Variants in SUSD2 observed in about 807,000 individuals in gnomAD.
The protein encoded by SUSD2 is sushi domain containing 2.
A neutral mutation model predicts 93.8 loss-of-function variants in SUSD2; 86 were observed. The ratio of observed to expected loss-of-function variants is 0.92; its 90% CI spans 0.77 to 1.10. SUSD2 has a LOEUF of 1.10. Among genes scored for constraint, SUSD2 ranks in the 50% least tolerant of loss-of-function variants. The pLI is 0.00. For missense variants in SUSD2, 1,060 were observed against 1,137.0 expected (o/e 0.93, Z 0.97); for synonymous variants, 483 against 485.0 (o/e 1.00, Z 0.05).
At chr22:24,187,495 T>C in intron 11 of SUSD2, 45 bp downstream of exon 11, 1 of 1,606,332 alleles carries the variant, frequency 6.2e-7, no homozygotes, top group Non-Finnish European at 8.5e-7. Flanking sequence ...TGGGGGTTAC[T>C]GGAAACATGG....
Position 24,185,644 on chromosome 22 carries a change from C to T in SUSD2, c.1071-17C>T. 1 of 1,608,564 alleles carries T rather than the reference C, an allele frequency of 6.2e-7. No individual in the cohort carries two copies. The highest frequency in any genetic ancestry group is 8.5e-7 in the Non-Finnish European group (1 of 1,177,558). On this transcript the variant is annotated splice_polypyrimidine_tract_variant and intron_variant, in intron 7 of 14. Coordinates refer to ENST00000358321, the MANE Select transcript of SUSD2 (RefSeq NM_019601.4). ...GCTCCCAACAGTGGCCTGGCCCTGA[C>T]TCACTGGCTCCTGCAGCCTCCGGTA... is the stretch of plus-strand genomic sequence containing the variant.
chr22:24,186,026 C>T lies in SUSD2; in HGVS notation c.1350C>T (p.Phe450=), dbSNP rs533945406. Residue 450 remains phenylalanine (F), a synonymous_variant, in exon 9 of 15, where the codon TTC becomes TTT. Transcript: ENST00000358321. Reference sequence around the variant, plus strand: ...CCACTCTCACCCTAGCCTCCGCCTTCGGAGACCCACACTTTGTGACCTTCG... The same window carrying T: ...CCACTCTCACCCTAGCCTCCGCCTTTGGAGACCCACACTTTGTGACCTTCG... ...NYRPPRLASA[F]GDPHFVTFDG... 2.9e-5 allele frequency: 46 copies of T among 1,608,924 alleles called. No homozygotes were observed. In the Admixed American group the frequency reaches 3.3e-4, roughly 12 times the overall value.
intron 1 of SUSD2, 31 bp from the exon 2 acceptor site, chr22:24,183,026 C>T (rs372337013): frequency 1.2e-5 from 20 of 1,600,978 alleles, no homozygotes; most frequent in East Asian, 2.2e-5. Context: ...CAGTACCCGC[C>T]GGGCCAGGCC....
At chr22:24,182,117 T>A (rs1225977210) in intron 1 of SUSD2, among the ~76,000 whole-genome samples, 1 of 152,228 alleles carries the variant, frequency 6.6e-6, no homozygotes, top group East Asian at 1.9e-4. Context: ...TGCTTTTAAG[T>A]GCCAGGCACT....
In SUSD2 at chr22:24,185,176, G is replaced by C. The variant is rs1284604308; in HGVS notation, c.865G>C (p.Ala289Pro). 10 of 1,612,424 alleles carry C rather than the reference G, an allele frequency of 6.2e-6. No homozygotes were observed. Among genetic ancestry groups the C allele is most frequent in the Non-Finnish European group, 8.5e-6 (10 of 1,179,854 alleles). Residue 289 changes from alanine (A) to proline (P), a missense_variant, in exon 6 of 15, where the codon GCA becomes CCA. Physicochemically the swap from Ala to Pro is conservative, Grantham distance 27 (BLOSUM62 -1). Transcript: ENST00000358321. ...DDFREDPVAW[A>P]RTQCQAWEEL... ...CTTCCGAGAGGACCCTGTGGCCTGG[G>C]CACGAACTCAGTGCCAGGCCTGGGA...
rs765159555 is a variant in SUSD2, at chr22:24,185,652, C to A, written c.1071-9C>A. On this transcript the variant is annotated splice_polypyrimidine_tract_variant and intron_variant, in intron 7 of 14. Coordinates refer to ENST00000358321, the MANE Select transcript of SUSD2 (RefSeq NM_019601.4). ...CAGTGGCCTGGCCCTGACTCACTGG[C>A]TCCTGCAGCCTCCGGTACGGCTCAG... 1 of 1,607,926 alleles carries A rather than the reference C, an allele frequency of 6.2e-7. No homozygotes were observed. The highest frequency in any genetic ancestry group is 1.7e-5 in the Admixed American group (1 of 59,788).
chr22:24,183,583 A>G lies in SUSD2; in HGVS notation c.376A>G (p.Ile126Val). Residue 126 changes from isoleucine to valine, a missense_variant, in exon 3 of 15, where the codon ATC (isoleucine) becomes GTC (valine). Ile to Val is a conservative substitution (Grantham distance 29). Around this residue, in one of 2 missense-constraint regions of SUSD2, gnomAD observed 973 missense variants for 1,005.3 expected, o/e 0.97. Coordinates refer to ENST00000358321, the MANE Select transcript of SUSD2 (RefSeq NM_019601.4). ...VSPLLYESGR[I>V]PFTVSLDNGH... is the part of the protein sequence containing the mutation. Reference sequence around the variant, plus strand: ...ACCTCTGCTCTATGAGAGCGGCCGCATCCCCTTCACTGTGTCACTGGACAA... The same window carrying G: ...ACCTCTGCTCTATGAGAGCGGCCGCGTCCCCTTCACTGTGTCACTGGACAA... 6.2e-7 allele frequency: 1 copy of G among 1,613,318 alleles called. No individual in the cohort carries two copies. Among genetic ancestry groups the G allele is most frequent in the Non-Finnish European group, 8.5e-7 (1 of 1,179,972 alleles).
At chr22:24,186,579 T>C (rs1288196380) in intron 10 of SUSD2, 164 bp downstream of exon 10, 7 of 786,576 alleles carry the variant, frequency 8.9e-6, no homozygotes, top group African/African-American at 1.7e-5. Context: ...GCCCCCGTCG[T>C]ACCCACCTGG....
rs375828476 is a variant in SUSD2 at position 24,183,118 on chromosome 22, G to A, written c.138G>A (p.Pro46=). 1.2e-5 allele frequency: 20 copies of A among 1,614,040 alleles called. No homozygotes were observed. The highest frequency in any genetic ancestry group is 4.5e-5 in the East Asian group (2 of 44,890). Reference sequence around the variant, plus strand: ...TGGACGGGCCATGTTCCTGCCACCCGACGTGCTCTGGCCTTGGCACCTGCT... The same window carrying A: ...TGGACGGGCCATGTTCCTGCCACCCAACGTGCTCTGGCCTTGGCACCTGCT... ...GALDGPCSCH[P]TCSGLGTCCL... The change falls in exon 2 of 15, where the codon CCG becomes CCA. Residue 46 remains proline, a synonymous_variant. Transcript: ENST00000358321.
At chr22:24,183,358 G>A in intron 2 of SUSD2, 91 bp downstream of exon 2, 2 of 1,542,456 alleles carry the variant, frequency 1.3e-6, no homozygotes, top group Middle Eastern at 1.9e-4. Context: ...GCTGAGTGGA[G>A]CCCCTCGGAC....
rs551318370 is a variant in SUSD2, at chr22:24,185,180, G to A, written c.869G>A (p.Arg290Gln). ...CGAGAGGACCCTGTGGCCTGGGCAC[G>A]AACTCAGTGCCAGGCCTGGGAGGAG... ...DFREDPVAWA[R>Q]TQCQAWEELE... Residue 290 changes from arginine to glutamine, a missense_variant, in exon 6 of 15, where the codon CGA (arginine) becomes CAA (glutamine). This residue lies in a region of SUSD2 where 973 missense variants were observed against 1,005.3 expected (regional missense o/e 0.97). Coordinates refer to ENST00000358321, the MANE Select transcript of SUSD2 (RefSeq NM_019601.4). 7.4e-6 allele frequency: 12 copies of A among 1,612,262 alleles called. No individual in the cohort carries two copies. The highest frequency in any genetic ancestry group is 3.3e-5 in the Admixed American group (2 of 60,006).
intron 10 of SUSD2, 50 bp downstream of exon 10, chr22:24,186,465 A>G (rs1279649636): frequency 2.5e-6 from 4 of 1,592,986 alleles, no homozygotes; most frequent in Non-Finnish European, 3.4e-6. Flanking sequence ...CCTCCTCCCC[A>G]TTCCTGCAGG....
At position 24,183,480 on chromosome 22, in the gene SUSD2, C is replaced by T; in HGVS notation, c.288-15C>T. The T allele has an allele frequency of 6.2e-7, 1 of 1,605,168 alleles. No individual in the cohort carries two copies. Reference sequence around the variant, plus strand: ...TGCAATGACCCAGCCCCTCCCACCACCACCACGCCCACAGGTTTAAGGACA... The same window carrying T: ...TGCAATGACCCAGCCCCTCCCACCATCACCACGCCCACAGGTTTAAGGACA... On this transcript the variant is annotated splice_polypyrimidine_tract_variant and intron_variant, in intron 2 of 14. Transcript: ENST00000358321.
chr22:24,183,848 G>A (rs2047342617), intron 3 of SUSD2: 1 of 671,626 alleles, frequency 1.5e-6, no homozygotes. Flanking sequence ...GAGTGAGTGG[G>A]AGCTGCAGGG....
Position 24,185,802 on chromosome 22 carries a change from C to A in SUSD2, c.1212C>A (p.Pro404=), listed in dbSNP as rs748978807. 2.5e-6 allele frequency: 4 copies of A among 1,610,542 alleles called. No homozygotes were observed. The Admixed American group carries it at 5.0e-5, about 20-fold the overall frequency. Residue 404 remains proline, a synonymous_variant, in exon 8 of 15, where the codon CCC becomes CCA. Coordinates refer to ENST00000358321, the MANE Select transcript of SUSD2 (RefSeq NM_019601.4). The part of the protein sequence containing the change: ...APPFRTPPRV[P]SMSHWLYDVL... ...CGTTCCGCACGCCACCCCGAGTGCC[C>A]AGCATGTCCCACTGGCTCTACGATG... is the stretch of plus-strand genomic sequence containing the variant.
rs766083182 is a variant in SUSD2 at position 24,184,254 on chromosome 22, G to A, written c.558G>A (p.Ser186=). Residue 186 remains serine, a synonymous_variant, in exon 4 of 15, where the codon TCG becomes TCA. Coordinates refer to ENST00000358321, the MANE Select transcript of SUSD2 (RefSeq NM_019601.4). ...TCAGCCTGACCTGGCATGTCAAGTC[G>A]CTGCCCACGCAGACCATCACCATCG... is the stretch of plus-strand genomic sequence containing the variant. ...GNLSLTWHVK[S]LPTQTITIEL... is the part of the protein sequence containing the mutation. 8.7e-6 allele frequency: 14 copies of A among 1,613,538 alleles called. No homozygotes were observed. The highest frequency in any genetic ancestry group is 2.2e-5 in the East Asian group (1 of 44,892).
intron 12 of SUSD2, 45 bp downstream of exon 12, chr22:24,187,888 C>A (rs200670408): frequency 6.2e-7 from 1 of 1,602,928 alleles, no homozygotes. Context: ...GGGACAGGAC[C>A]CCCCGGGGTG....
chr22:24,187,563 T>G lies in SUSD2; in HGVS notation c.1892-8T>G, dbSNP rs1359281406. The G allele has an allele frequency of 2.2e-5, 36 of 1,606,350 alleles. No individual in the cohort carries two copies. The highest frequency in any genetic ancestry group is 3.0e-5 in the Non-Finnish European group (35 of 1,174,396). On this transcript the variant is annotated splice_polypyrimidine_tract_variant and splice_region_variant and intron_variant, in intron 11 of 14. Transcript: ENST00000358321. ...TGCCCAGCCAGGCCCCGGTCATGTA[T>G]CTTCCAGGGACCGTGCACAATGCGT...
chr22:24,188,463 G>T lies in SUSD2; in HGVS notation c.*27G>T. 6.2e-7 allele frequency: 1 copy of T among 1,605,812 alleles called. No individual in the cohort carries two copies. On this transcript the variant is annotated 3_prime_UTR_variant, in exon 15 of 15. Transcript: ENST00000358321. This position sits in a 1 kb window ranked among gnomAD's most constrained non-coding sequence, Gnocchi z 4.7. ...GGGAGCAGCTTGGCTGTGAGCACCAGGCCAAGACTCCTGAGAACAGGCAGC... is the reference window on the plus strand; with the variant it reads ...GGGAGCAGCTTGGCTGTGAGCACCATGCCAAGACTCCTGAGAACAGGCAGC...
Sources: allele counts gnomAD v4.1 joint callset (sites outside exome capture counted in the v4.1 genomes callset), GRCh38; gene constraint gnomAD v4.1.1; regional missense constraint gnomAD v4.1.1; non-coding constraint Gnocchi (gnomAD v3.1); transcripts MANE v1.5; gene names NCBI Gene and HGNC (gene_info 2026-07-23, HGNC 2026-07-21).